Variants in RIC1 observed in about 807,000 individuals in gnomAD.
RIC1 encodes the protein RIC1 partner of RAB6A GEF complex.
RIC1 carries 88 observed loss-of-function variants against 169.0 expected under a neutral mutation model. The ratio of observed to expected loss-of-function variants is 0.52; its 90% CI spans 0.44 to 0.62. The LOEUF is 0.62. RIC1 is among the 20% of genes least tolerant of loss of function. The pLI, the probability that RIC1 is intolerant of heterozygous loss-of-function variation, is 0.00. For synonymous variants in RIC1, 790 were observed against 601.5 expected (o/e 1.31, Z -4.59); for missense variants, 1,877 against 1,725.5 (o/e 1.09, Z -1.56).
At chr9:5,632,196 T>C (rs1817747583) in intron 1 of RIC1, among the ~76,000 whole-genome samples, 2 of 152,216 alleles carry the variant, frequency 1.3e-5, no homozygotes, top group South Asian at 2.1e-4. Context: ...TCAGGCTCTC[T>C]TAGGAGTGAT....
At position 5,629,257 on chromosome 9, in the gene RIC1, G is replaced by A. The variant is rs1817597654; in HGVS notation, c.-53G>A. The stretch of plus-strand genomic sequence containing the variant: ...TGTGGGAGGTGGGCGACCAGCCCGG[G>A]GCCGCTGAGTGTGACGGACGCAACT... On this transcript the variant is annotated 5_prime_UTR_variant, in exon 1 of 26. Coordinates refer to ENST00000414202, the MANE Select transcript of RIC1 (RefSeq NM_020829.4). The A allele has an allele frequency of 1.4e-6, 2 of 1,410,766 alleles. No homozygotes were observed. The highest frequency in any genetic ancestry group is 2.9e-5 in the South Asian group (2 of 69,542). The allele number at this position is 1,410,766 out of a possible 1,614,324, so 87.4% of individuals were successfully genotyped here.
chr9:5,730,374 A>G (rs1200900057), intron 6 of RIC1, among the ~76,000 whole-genome samples: 1 of 152,224 alleles, frequency 6.6e-6, no homozygotes, highest in East Asian at 1.9e-4. Flanking sequence ...ATTTAAGCCT[A>G]CAATGAACAT....
chr9:5,716,680 G>C (rs1235114101), intron 4 of RIC1, among the ~76,000 whole-genome samples: 1 of 152,194 alleles, frequency 6.6e-6, no homozygotes, highest in Non-Finnish European at 1.5e-5. Flanking sequence ...ACAGGGTTCT[G>C]ACATCGCCCT....
intron 2 of RIC1, among the ~76,000 whole-genome samples, chr9:5,679,669 G>A (rs867539731): frequency 3.3e-4 from 50 of 152,300 alleles, no homozygotes; most frequent in African/African-American, 1.1e-3. Flanking sequence ...AAGAATGCTT[G>A]TGATTTTTGC....
rs894350293 is a variant in RIC1 at position 5,672,180 on chromosome 9, G to C, written c.252+15490G>C. On this transcript the variant is annotated intron_variant, in intron 2 of 25. Coordinates refer to ENST00000414202, the MANE Select transcript of RIC1 (RefSeq NM_020829.4). ...CTGTCACTTTATCCAGCATCTGTAGGTTTGCATTGCCAGATACCCACATCA... is the reference window on the plus strand; with the variant it reads ...CTGTCACTTTATCCAGCATCTGTAGCTTTGCATTGCCAGATACCCACATCA... 2.6e-5 allele frequency among the ~76,000 whole-genome samples: 4 copies of C among 152,260 alleles called. No individual in the cohort carries two copies. The East Asian group carries it at 7.7e-4, about 29-fold the overall frequency.
intron 3 of RIC1, among the ~76,000 whole-genome samples, chr9:5,697,558 T>G (rs1821976335): frequency 6.6e-6 from 1 of 152,158 alleles, no homozygotes; most frequent in African/African-American, 2.4e-5. Context: ...ATATCATTAT[T>G]TCATTTCATC....
At chr9:5,670,990 C>T (rs956177191) in intron 2 of RIC1, among the ~76,000 whole-genome samples, 6 of 151,982 alleles carry the variant, frequency 3.9e-5, no homozygotes, top group East Asian at 1.9e-4. Context: ...AGCCCTCCGC[C>T]GTCAGAAATG....
intron 2 of RIC1, among the ~76,000 whole-genome samples, chr9:5,679,364 C>T (rs1586931670): frequency 6.6e-6 from 1 of 152,036 alleles, no homozygotes; most frequent in Non-Finnish European, 1.5e-5. Context: ...TAGTTTTTTC[C>T]AATTCTGTGA....
intron 3 of RIC1, among the ~76,000 whole-genome samples, chr9:5,712,578 A>G (rs1822998731): frequency 6.6e-6 from 1 of 152,338 alleles, no homozygotes; most frequent in South Asian, 2.1e-4. Context: ...TTAAGTTTCC[A>G]CTGAAAGGAG....
At position 5,773,902 on chromosome 9, in the gene RIC1, T is replaced by A. The variant is rs1827413457; in HGVS notation, c.3984-56T>A. 3 of 1,467,274 alleles carry A rather than the reference T, an allele frequency of 2.0e-6. No homozygotes were observed. The Admixed American group carries it at 6.6e-5, about 32-fold the overall frequency. The allele number at this position is 1,467,274 out of a possible 1,614,324, so 90.9% of individuals were successfully genotyped here. On this transcript the variant is annotated intron_variant, in intron 25 of 25. Transcript: ENST00000414202. ...TTCAGTAGAAGTTCACCCGTAATGTTCTACCAAACCTTTTGAATTATGGCA... is the reference window on the plus strand; with the variant it reads ...TTCAGTAGAAGTTCACCCGTAATGTACTACCAAACCTTTTGAATTATGGCA...
intron 1 of RIC1, among the ~76,000 whole-genome samples, chr9:5,647,294 T>G (rs1335150888): frequency 1.3e-5 from 2 of 152,160 alleles, no homozygotes; most frequent in Non-Finnish European, 2.9e-5. Context: ...CTATTCGAGG[T>G]CTCTTGGGAA....
intron 2 of RIC1, among the ~76,000 whole-genome samples, chr9:5,658,221 A>C (rs932549942): frequency 6.6e-6 from 1 of 152,102 alleles, no homozygotes; most frequent in African/African-American, 2.4e-5. Context: ...TTCTTTTATT[A>C]TTGAATTAGA....
At chr9:5,770,434 A>G (rs762512122) in intron 23 of RIC1, among the ~76,000 whole-genome samples, 156 bp downstream of exon 23, 11 of 152,220 alleles carry the variant, frequency 7.2e-5, no homozygotes, top group Non-Finnish European at 1.5e-4. Flanking sequence ...AACAAGGCCA[A>G]ACTGGCCTTG....
At chr9:5,667,008 A>T (rs545585007) in intron 2 of RIC1, among the ~76,000 whole-genome samples, 2 of 152,244 alleles carry the variant, frequency 1.3e-5, no homozygotes, top group African/African-American at 4.8e-5. Context: ...CTAGAGGTTT[A>T]TCAGTTTTGT....
At chr9:5,709,559 G>T (rs1347697200) in intron 3 of RIC1, among the ~76,000 whole-genome samples, 2 of 152,134 alleles carry the variant, frequency 1.3e-5, no homozygotes, top group African/African-American at 4.8e-5. Context: ...AGAACGTTTT[G>T]TACACTGTTT....
chr9:5,659,585 A>G (rs998230220), intron 2 of RIC1, among the ~76,000 whole-genome samples: 1 of 152,112 alleles, frequency 6.6e-6, no homozygotes, highest in Non-Finnish European at 1.5e-5. Flanking sequence ...TTTGGTAGAG[A>G]CTGCATTGAA....
Position 5,631,079 on chromosome 9 carries a change from T to C in RIC1, c.144+1626T>C, listed in dbSNP as rs200941798. Among the ~76,000 whole-genome samples the C allele has an allele frequency of 2.0e-5, 3 of 152,232 alleles. No homozygotes were observed. In the East Asian group the frequency reaches 5.8e-4, roughly 29 times the overall value. On this transcript the variant is annotated intron_variant, in intron 1 of 25. Coordinates refer to ENST00000414202, the MANE Select transcript of RIC1 (RefSeq NM_020829.4). ...GACCTATGAATTGACCAGAAGCCTG[T>C]AAACCACTTTATTCCCCCATAAGAG...
intron 22 of RIC1, 43 bp downstream of exon 22, chr9:5,769,299 T>A: frequency 6.2e-7 from 1 of 1,613,872 alleles, no homozygotes; most frequent in Non-Finnish European, 8.5e-7. Context: ...GAATTGTATT[T>A]TACTCCGTGT....
chr9:5,765,530 C>G lies in RIC1; in HGVS notation c.2958C>G (p.Gly986=). The G allele has an allele frequency of 6.2e-7, 1 of 1,612,312 alleles. No homozygotes were observed. The highest frequency in any genetic ancestry group is 1.3e-5 in the African/African-American group (1 of 74,344). Reference sequence around the variant, plus strand: ...TGATTCGATTTCTTAAAGCCATTGGCTCTGGAGAATCTGAGACACCTCCAT... The same window carrying G: ...TGATTCGATTTCTTAAAGCCATTGGGTCTGGAGAATCTGAGACACCTCCAT... ...RHMIRFLKAI[G]SGESETPPST... Residue 986 remains glycine, a synonymous_variant, in exon 20 of 26, where the codon GGC becomes GGG. Coordinates refer to ENST00000414202, the MANE Select transcript of RIC1 (RefSeq NM_020829.4).
Sources: allele counts gnomAD v4.1 joint callset (sites outside exome capture counted in the v4.1 genomes callset), GRCh38; gene constraint gnomAD v4.1.1; transcripts MANE v1.5; gene names NCBI Gene and HGNC (gene_info 2026-07-23, HGNC 2026-07-21).